Variants in ZFP1 observed in about 807,000 individuals in gnomAD.
The protein encoded by ZFP1 is ZFP1 zinc finger protein, also known as zinc finger protein 1 homolog.
ZFP1 carries 32 observed loss-of-function variants against 38.5 expected under a neutral mutation model. The observed-to-expected ratio is 0.83, with a 90% CI of 0.63 to 1.12. The LOEUF is 1.12. Among genes scored for constraint, ZFP1 ranks in the 50% most tolerant of loss-of-function variants. ZFP1 has a pLI of 0.00. For synonymous variants in ZFP1, 245 were observed against 168.8 expected, an observed-to-expected ratio of 1.45 and a Z score of -3.50; for missense variants, 616 against 480.8, an observed-to-expected ratio of 1.28 and a Z score of -2.63.
the ZFP1 span, among the ~76,000 whole-genome samples, chr16:75,140,854 A>T: frequency 6.6e-6 from 1 of 151,916 alleles, no homozygotes; most frequent in South Asian, 2.1e-4. Context: ...AGCTACTCGG[A>T]AGGCTGAGGC....
At chr16:75,126,657 C>T in the ZFP1 span, among the ~76,000 whole-genome samples, 1 of 152,230 alleles carries the variant, frequency 6.6e-6, no homozygotes, top group Admixed American at 6.5e-5. Flanking sequence ...CCCACCTTGG[C>T]CTCCTTAAAT....
the ZFP1 span, among the ~76,000 whole-genome samples, chr16:75,138,896 G>C: frequency 6.6e-6 from 1 of 152,170 alleles, no homozygotes; most frequent in Non-Finnish European, 1.5e-5. Context: ...GGTCCTTTGT[G>C]ATGACAGCTC....
At chr16:75,138,470 C>G in the ZFP1 span, among the ~76,000 whole-genome samples, 2 of 152,192 alleles carry the variant, frequency 1.3e-5, no homozygotes, top group Non-Finnish European at 2.9e-5. Context: ...GATATTAACA[C>G]TCATAAGCCA....
In ZFP1 at chr16:75,169,308, G is replaced by C. The variant is rs201191423; in HGVS notation, c.198G>C (p.Gln66His). The change falls in exon 4 of 4, where the codon CAG becomes CAC. Residue 66 changes from glutamine to histidine, a missense_variant. Transcript: ENST00000570010. ...GAGACCACAGAAACCCAGACGAGCA[G>C]GCGAGGCAATTTTTAATTCTTAAGA... ...MERDHRNPDE[Q>H]ARQFLILKNQ... The C allele has an allele frequency of 6.2e-7, 1 of 1,614,020 alleles. No homozygotes were observed. Among genetic ancestry groups the C allele is most frequent in the South Asian group, 1.1e-5 (1 of 91,068 alleles).
chr16:75,134,497 C>A, the ZFP1 span, among the ~76,000 whole-genome samples: 1 of 151,932 alleles, frequency 6.6e-6, no homozygotes, highest in African/African-American at 2.4e-5. Context: ...TGGCTCACAC[C>A]TGTAATCCCG....
At chr16:75,135,097 C>G in the ZFP1 span, among the ~76,000 whole-genome samples, 1 of 150,662 alleles carries the variant, frequency 6.6e-6, no homozygotes, top group African/African-American at 2.4e-5. Flanking sequence ...GTAATCCCAG[C>G]TGCTTAGAAG....
chr16:75,125,247 A>G, the ZFP1 span, among the ~76,000 whole-genome samples: 9,782 of 149,432 alleles, frequency 0.065, 389 homozygotes, highest in Admixed American at 0.12. Context: ...CAACAGAGCA[A>G]GACTCTATCT....
upstream of ZFP1, among the ~76,000 whole-genome samples, chr16:75,145,517 A>C (rs1330380980): frequency 6.6e-6 from 1 of 152,104 alleles, no homozygotes; most frequent in Non-Finnish European, 1.5e-5. Flanking sequence ...ATTGTGGCCC[A>C]CCCTGCTCTC....
chr16:75,169,116 A>C, intron 3 of ZFP1, 137 bp from the exon 4 acceptor site: 1 of 1,179,248 alleles, frequency 8.5e-7, no homozygotes, highest in Non-Finnish European at 1.1e-6. Context: ...TTGCACTGGG[A>C]ATTTTTTAAT....
chr16:75,148,094 C>G (rs1022668036), upstream of ZFP1, among the ~76,000 whole-genome samples: 5 of 152,070 alleles, frequency 3.3e-5, no homozygotes, highest in African/African-American at 1.2e-4. Context: ...GCACATGATA[C>G]CTTTATGGCC....
At chr16:75,158,592 C>G (rs2037585741) in intron 2 of ZFP1, among the ~76,000 whole-genome samples, 2 of 149,760 alleles carry the variant, frequency 1.3e-5, no homozygotes, top group Non-Finnish European at 3.0e-5. Flanking sequence ...CATGCCTGGC[C>G]TATTTCTGTC....
At chr16:75,136,550 A>C in the ZFP1 span, among the ~76,000 whole-genome samples, 1 of 152,192 alleles carries the variant, frequency 6.6e-6, no homozygotes, top group Non-Finnish European at 1.5e-5. Flanking sequence ...CTTAATACAG[A>C]TACAGTTAAT....
At chr16:75,122,914 A>G in the ZFP1 span, among the ~76,000 whole-genome samples, 3,754 of 152,344 alleles carry the variant, frequency 0.025, 173 homozygotes, top group African/African-American at 0.087. Flanking sequence ...ATAATTTTAA[A>G]TAATGACAAG....
intron 2 of ZFP1, among the ~76,000 whole-genome samples, chr16:75,161,848 G>A (rs2037807594): frequency 7.8e-6 from 1 of 127,960 alleles, no homozygotes. Flanking sequence ...GCAGTAGCAC[G>A]ATCTAGGCTC....
At chr16:75,129,452 A>G in the ZFP1 span, among the ~76,000 whole-genome samples, 1 of 152,220 alleles carries the variant, frequency 6.6e-6, no homozygotes, top group Non-Finnish European at 1.5e-5. Flanking sequence ...GGAACTGCTT[A>G]GGGCAAACCT....
rs770698051 is a variant in ZFP1 at position 75,169,450 on chromosome 16, A to G, written c.340A>G (p.Lys114Glu). Residue 114 changes from lysine (K) to glutamate (E), a missense_variant, in exon 4 of 4, where the codon AAA becomes GAA. By Grantham distance (56) the Lys-to-Glu change is moderately conservative. Transcript: ENST00000570010. ...YKYDLYEKTL[K>E]YNSDLLNSNR... is the part of the protein sequence containing the mutation. The stretch of plus-strand genomic sequence containing the variant: ...ATATGACTTATATGAAAAAACTTTG[A>G]AATATAATTCAGACTTGCTTAATAG... 1.2e-6 allele frequency: 2 copies of G among 1,612,710 alleles called. No individual in the cohort carries two copies. Among genetic ancestry groups the G allele is most frequent in the African/African-American group, 2.7e-5 (2 of 74,726 alleles).
the ZFP1 span, among the ~76,000 whole-genome samples, chr16:75,125,891 A>G: frequency 1.3e-5 from 2 of 151,774 alleles, 1 homozygote; most frequent in East Asian, 3.9e-4. Flanking sequence ...AAAATACAAA[A>G]ATTAGCCAGG....
the ZFP1 span, among the ~76,000 whole-genome samples, chr16:75,128,665 C>G: frequency 6.6e-6 from 1 of 152,190 alleles, no homozygotes; most frequent in Admixed American, 6.5e-5. Flanking sequence ...TTTGCCTAAT[C>G]TGGAGTCACT....
chr16:75,171,123 C>A lies in ZFP1; in HGVS notation c.*789C>A, dbSNP rs2038405292. 1 of 152,144 alleles carries A rather than the reference C, an allele frequency of 6.6e-6. No individual in the cohort carries two copies. The highest frequency in any genetic ancestry group is 2.1e-4 in the South Asian group (1 of 4,822). The allele number at this position is 152,144 out of a possible 1,614,324, so 9.4% of individuals were successfully genotyped here. On this transcript the variant is annotated 3_prime_UTR_variant, in exon 4 of 4. Coordinates refer to ENST00000570010, the MANE Select transcript of ZFP1 (RefSeq NM_153688.4). ...GAGTTTGCCGTGTAAAGACAATATC[C>A]CCATTCGTCATGCTCTTATTTTCCC...
Sources: gnomAD v4.1 joint callset for allele counts (sites outside exome capture counted in the v4.1 genomes callset) on GRCh38, gnomAD v4.1.1 for gene constraint, MANE v1.5 for transcripts, NCBI Gene and HGNC (gene_info 2026-07-23, HGNC 2026-07-21) for gene names.